Variants in MBD5 observed in about 807,000 individuals in gnomAD.
MBD5 encodes methyl-CpG binding domain protein 5.
MBD5 carries 13 observed loss-of-function variants against 117.3 expected under a neutral mutation model. The ratio of observed to expected loss-of-function variants is 0.11; its 90% CI spans 0.07 to 0.18. The LOEUF is 0.18. MBD5 is among the 10% of genes least tolerant of loss of function. The pLI, the probability that MBD5 is intolerant of heterozygous loss-of-function variation, is 1.00. For synonymous variants in MBD5, 727 were observed against 766.4 expected, an observed-to-expected ratio of 0.95 and a Z score of 0.85; for missense variants, 1,879 against 2,093.8, an observed-to-expected ratio of 0.90 and a Z score of 2.00.
intron 3 of MBD5, among the ~76,000 whole-genome samples, chr2:148,293,813 A>C (rs1393720388): frequency 6.6e-6 from 1 of 152,152 alleles, no homozygotes. Context: ...TGTTTGTTGA[A>C]TATTTTTAAA....
At chr2:148,348,341 C>T (rs1159401402) in intron 4 of MBD5, among the ~76,000 whole-genome samples, 7 of 152,064 alleles carry the variant, frequency 4.6e-5, no homozygotes, top group African/African-American at 7.2e-5. Context: ...CTTGCAAGAA[C>T]TATCCCTGGT....
intron 4 of MBD5, among the ~76,000 whole-genome samples, chr2:148,380,506 A>C (rs1213631484): frequency 6.6e-6 from 1 of 152,246 alleles, no homozygotes; most frequent in Non-Finnish European, 1.5e-5. Flanking sequence ...AAATCTTTGA[A>C]TAGCTCATTA....
At chr2:148,236,035 G>A (rs1275145896) in intron 3 of MBD5, among the ~76,000 whole-genome samples, 1 of 152,104 alleles carries the variant, frequency 6.6e-6, no homozygotes, top group African/African-American at 2.4e-5. Context: ...CTGGGCTCAA[G>A]CGATCTGCCT....
At chr2:148,064,783 T>C (rs549908652) in intron 1 of MBD5, among the ~76,000 whole-genome samples, 10 of 152,342 alleles carry the variant, frequency 6.6e-5, no homozygotes, top group Non-Finnish European at 1.5e-4. Context: ...CATTGTTTCT[T>C]ACTTTCTTCC....
At chr2:148,033,896 A>G (rs1694113119) in intron 1 of MBD5, among the ~76,000 whole-genome samples, 1 of 152,370 alleles carries the variant, frequency 6.6e-6, no homozygotes, top group East Asian at 1.9e-4. Context: ...AAACATTCCA[A>G]TTGAGAAAAT....
chr2:148,305,236 C>T (rs1345425079), intron 3 of MBD5, among the ~76,000 whole-genome samples: 1 of 152,108 alleles, frequency 6.6e-6, no homozygotes, highest in Non-Finnish European at 1.5e-5. Flanking sequence ...GAGGAGGACT[C>T]AGAGGAGCCT....
In MBD5 at chr2:148,507,634, C is replaced by T. The variant is rs183519602; in HGVS notation, c.5037-2426C>T. On this transcript the variant is annotated intron_variant, in intron 12 of 13. Coordinates refer to ENST00000642680, the MANE Select transcript of MBD5 (RefSeq NM_001378120.1). ...ATTAGCCGGGCGCGGTGGCGGGTGC[C>T]TGTAGTCCCAGCTACTCGAGGGGGC... Among the ~76,000 whole-genome samples, 275 of 152,100 alleles carry T rather than the reference C, an allele frequency of 1.8e-3. 2 individuals carry two copies. Among genetic ancestry groups the T allele is most frequent in the Non-Finnish European group, 2.1e-4 (14 of 67,990 alleles).
At chr2:148,358,704 G>T (rs947337392) in intron 4 of MBD5, among the ~76,000 whole-genome samples, 1 of 151,974 alleles carries the variant, frequency 6.6e-6, no homozygotes, top group African/African-American at 2.4e-5. Context: ...ATCGCTTGAG[G>T]TGGGGGTTGG....
intron 1 of MBD5, among the ~76,000 whole-genome samples, chr2:148,079,723 G>A (rs1695596759): frequency 6.6e-6 from 1 of 151,876 alleles, no homozygotes; most frequent in Admixed American, 6.6e-5. Flanking sequence ...CAGGCATGGT[G>A]GTGCACACCT....
chr2:148,382,256 G>A (rs1045674281), intron 4 of MBD5, among the ~76,000 whole-genome samples: 1 of 151,834 alleles, frequency 6.6e-6, no homozygotes, highest in African/African-American at 2.4e-5. Context: ...AGGGATGGAG[G>A]AAGATCTACC....
chr2:148,116,870 A>G (rs913107093), intron 1 of MBD5, among the ~76,000 whole-genome samples: 20 of 152,196 alleles, frequency 1.3e-4, no homozygotes, highest in Non-Finnish European at 2.8e-4. Flanking sequence ...GCACATAGGT[A>G]AGTCTGATTG....
rs566946461 is a variant in MBD5, at chr2:148,137,233, A to G, written c.-924-41467A>G. ...ACAGTATTTCCATATCATACTTGCT[A>G]GGCTTAGTCTTCCTGAAACTTTTTC... On this transcript the variant is annotated intron_variant, in intron 1 of 13. Coordinates refer to ENST00000642680, the MANE Select transcript of MBD5 (RefSeq NM_001378120.1). Among the ~76,000 whole-genome samples the G allele has an allele frequency of 5.9e-5, 9 of 152,248 alleles. No individual in the cohort carries two copies. In the East Asian group the frequency reaches 1.2e-3, roughly 20 times the overall value.
At chr2:148,273,759 C>T (rs13395948) in intron 3 of MBD5, among the ~76,000 whole-genome samples, 2,443 of 152,248 alleles carry the variant, frequency 0.016, 62 homozygotes, top group African/African-American at 0.055. Flanking sequence ...GATAATTAAA[C>T]TCTGTCTTTG....
intron 4 of MBD5, among the ~76,000 whole-genome samples, chr2:148,356,306 T>C (rs1364133486): frequency 6.6e-6 from 1 of 152,136 alleles, no homozygotes; most frequent in African/African-American, 2.4e-5. Flanking sequence ...CCATACTTAT[T>C]TTAAATAGCA....
At chr2:148,088,797 A>G (rs542166221) in intron 1 of MBD5, among the ~76,000 whole-genome samples, 3 of 152,240 alleles carry the variant, frequency 2.0e-5, no homozygotes, top group Admixed American at 6.5e-5. Flanking sequence ...AAATACCACA[A>G]TGAAAAAAAT....
intron 1 of MBD5, among the ~76,000 whole-genome samples, chr2:148,149,579 C>T (rs1340793354): frequency 6.6e-6 from 1 of 151,744 alleles, no homozygotes; most frequent in Non-Finnish European, 1.5e-5. Flanking sequence ...GTTCCTATTT[C>T]TCCACATCCT....
At chr2:148,423,622 C>T (rs1705679816) in intron 4 of MBD5, among the ~76,000 whole-genome samples, 1 of 152,142 alleles carries the variant, frequency 6.6e-6, no homozygotes, top group Non-Finnish European at 1.5e-5. Context: ...ACCATCGACA[C>T]TATGAAGAAA....
At chr2:148,498,348 C>A (rs184413687) in intron 11 of MBD5, among the ~76,000 whole-genome samples, 10 of 152,274 alleles carry the variant, frequency 6.6e-5, no homozygotes, top group Admixed American at 5.9e-4. Flanking sequence ...GATCATTGAT[C>A]CAGGTTCTTC....
In MBD5 at chr2:148,495,625, AG is replaced by A. The variant is rs1681676721; in HGVS notation, c.4962+5033del. 2.0e-5 allele frequency among the ~76,000 whole-genome samples: 3 copies of A among 152,236 alleles called. No homozygotes were observed. The South Asian group carries it at 6.2e-4, about 31-fold the overall frequency. On this transcript the variant is annotated intron_variant, in intron 11 of 13. Coordinates refer to ENST00000642680, the MANE Select transcript of MBD5 (RefSeq NM_001378120.1). ...ACAGAGACACCTGATTACCAAAAAA[AG>A]GTCTACATCTCTGTTCTACACTACC... is the stretch of plus-strand genomic sequence containing the variant.
Sources: gnomAD v4.1 joint callset for allele counts (sites outside exome capture counted in the v4.1 genomes callset) on GRCh38, gnomAD v4.1.1 for gene constraint, MANE v1.5 for transcripts, NCBI Gene and HGNC (gene_info 2026-07-23, HGNC 2026-07-21) for gene names.